ASTN2: variants seen among roughly 807,000 people sequenced by gnomAD.
ASTN2 encodes astrotactin-2.
ASTN2 carries 54 observed loss-of-function variants against 139.8 expected under a neutral mutation model. The observed-to-expected ratio is 0.39, with a 90% confidence interval of 0.31 to 0.48. The LOEUF (loss-of-function observed/expected upper bound fraction) is 0.48, where lower values mean the gene tolerates loss of function less well. Ranked by LOEUF, ASTN2 falls within the 20% of genes least tolerant of loss-of-function variation. The pLI is 0.95. For missense variants in ASTN2, 1,565 were observed against 1,725.1 expected (o/e 0.91, Z 1.64); for synonymous variants, 756 against 719.5 (o/e 1.05, Z -0.81).
At chr9:116,801,146 G>C (rs1830834955) in intron 13 of ASTN2, among the ~76,000 whole-genome samples, 1 of 152,206 alleles carries the variant, frequency 6.6e-6, no homozygotes, top group Non-Finnish European at 1.5e-5. Context: ...AGATTACTTA[G>C]AGGAGGGAGG....
At chr9:117,127,406 A>G (rs1587993008) in intron 4 of ASTN2, among the ~76,000 whole-genome samples, 1 of 152,278 alleles carries the variant, frequency 6.6e-6, no homozygotes, top group Non-Finnish European at 1.5e-5. Flanking sequence ...GCAAATCTTT[A>G]TAACTAGATC....
intron 20 of ASTN2, among the ~76,000 whole-genome samples, chr9:116,454,115 A>G (rs889125690): frequency 3.9e-5 from 6 of 152,222 alleles, no homozygotes; most frequent in Non-Finnish European, 8.8e-5. Flanking sequence ...TTCCAACAAG[A>G]CAAAGGAAGA....
At chr9:116,619,934 C>T (rs559865593) in intron 18 of ASTN2, among the ~76,000 whole-genome samples, 3 of 152,024 alleles carry the variant, frequency 2.0e-5, no homozygotes, top group African/African-American at 7.2e-5. Context: ...AATCTTGTTT[C>T]GTAGAAGAGG....
At chr9:117,307,886 C>T (rs1383664699) in intron 1 of ASTN2, among the ~76,000 whole-genome samples, 1 of 152,192 alleles carries the variant, frequency 6.6e-6, no homozygotes, top group Non-Finnish European at 1.5e-5. Context: ...TCCTCTCCTG[C>T]GGTCTCCTGA....
At chr9:116,488,268 T>C (rs956459232) in intron 19 of ASTN2, among the ~76,000 whole-genome samples, 1 of 152,158 alleles carries the variant, frequency 6.6e-6, no homozygotes, top group African/African-American at 2.4e-5. Flanking sequence ...GTCTAGGAAG[T>C]AAAGAAAACT....
intron 5 of ASTN2, among the ~76,000 whole-genome samples, chr9:117,075,471 G>T (rs935941545): frequency 6.6e-6 from 1 of 150,928 alleles, no homozygotes; most frequent in African/African-American, 2.4e-5. Context: ...CTAGAGTCTG[G>T]CAGTGGTGGG....
chr9:116,463,908 G>GTTTTTTTTT (rs71502069), intron 20 of ASTN2, among the ~76,000 whole-genome samples: 2 of 115,908 alleles, frequency 1.7e-5, no homozygotes, highest in South Asian at 3.3e-4. Flanking sequence ...AGAGTTTTGT[G>GTTTTTTTTT]TTTTTTTTTT....
intron 16 of ASTN2, among the ~76,000 whole-genome samples, chr9:116,674,657 CAAG>C (rs929055657): frequency 7.9e-5 from 12 of 152,278 alleles, no homozygotes; most frequent in Admixed American, 7.2e-4. Flanking sequence ...CCTGGCCTTC[CAAG>C]AAGGTTTGTG....
intron 19 of ASTN2, chr9:116,582,272 G>A (rs1277227733): frequency 1.2e-4 from 19 of 152,202 alleles, no homozygotes; most frequent in Admixed American, 1.2e-3. Flanking sequence ...CAGCTCTAAG[G>A]TTTGTAAGAC....
At chr9:116,848,406 T>G (rs1832504406) in intron 11 of ASTN2, among the ~76,000 whole-genome samples, 1 of 152,272 alleles carries the variant, frequency 6.6e-6, no homozygotes, top group African/African-American at 2.4e-5. Context: ...CCAGGTCTCC[T>G]CCTAAGAGCA....
intron 16 of ASTN2, among the ~76,000 whole-genome samples, chr9:116,719,652 G>T (rs1334530621): frequency 2.0e-5 from 3 of 152,114 alleles, no homozygotes; most frequent in African/African-American, 7.2e-5. Flanking sequence ...ACTCATCAGT[G>T]TGGGGATTAC....
chr9:117,202,125 G>A (rs556470440), intron 3 of ASTN2, among the ~76,000 whole-genome samples: 10 of 152,150 alleles, frequency 6.6e-5, no homozygotes, highest in African/African-American at 2.4e-4. Context: ...ATCTTTGTTG[G>A]TTTAAAGTCT....
chr9:117,285,087 T>C (rs974897829), intron 2 of ASTN2, among the ~76,000 whole-genome samples: 10 of 152,210 alleles, frequency 6.6e-5, no homozygotes, highest in Admixed American at 2.6e-4. Flanking sequence ...CAGTTATTAT[T>C]TCTACTCAGT....
intron 19 of ASTN2, among the ~76,000 whole-genome samples, chr9:116,528,144 T>C (rs1041492092): frequency 3.9e-5 from 6 of 152,138 alleles, no homozygotes; most frequent in African/African-American, 1.4e-4. Flanking sequence ...TTGGAAAAGT[T>C]TGGAACTTCC....
chr9:116,965,113 T>A (rs950227979), intron 10 of ASTN2, among the ~76,000 whole-genome samples: 1 of 152,232 alleles, frequency 6.6e-6, no homozygotes, highest in South Asian at 2.1e-4. Flanking sequence ...TTCATCATGA[T>A]GCTTTCCCCA....
chr9:117,366,892 A>G (rs1204995422), intron 1 of ASTN2, among the ~76,000 whole-genome samples: 2 of 152,004 alleles, frequency 1.3e-5, no homozygotes, highest in East Asian at 3.9e-4. Context: ...CTCCTGCCTC[A>G]GCCTCCTGAG....
chr9:117,143,600 C>T (rs1181263529), intron 3 of ASTN2, among the ~76,000 whole-genome samples: 1 of 152,202 alleles, frequency 6.6e-6, no homozygotes, highest in Non-Finnish European at 1.5e-5. Context: ...GAACCAAAGA[C>T]ATAGCTTAGC....
chr9:117,108,438 AACACACAC>A (rs3041147), intron 4 of ASTN2, among the ~76,000 whole-genome samples: 16 of 145,346 alleles, frequency 1.1e-4, no homozygotes, highest in Admixed American at 5.5e-4. Flanking sequence ...AACAAAACAA[AACACACAC>A]ACACACACAC....
intron 16 of ASTN2, among the ~76,000 whole-genome samples, chr9:116,692,779 T>C (rs1175683609): frequency 1.3e-5 from 2 of 152,198 alleles, no homozygotes; most frequent in African/African-American, 4.8e-5. Context: ...TACTACCTTT[T>C]CTTCCCCTTT....
Sources: gnomAD v4.1 joint callset for allele counts (sites outside exome capture counted in the v4.1 genomes callset) on GRCh38, gnomAD v4.1.1 for gene constraint, MANE v1.5 for transcripts, NCBI Gene and HGNC (gene_info 2026-07-23, HGNC 2026-07-21) for gene names.